The following KMT2E variants were observed in gnomAD, a reference collection of about 807,000 sequenced individuals.
KMT2E encodes the protein lysine methyltransferase 2E (inactive), also known as histone reader KMT2E.
Under a neutral mutation model 184.6 loss-of-function variants are expected in KMT2E, and 30 were observed. The observed-to-expected ratio is 0.16, with a 90% confidence interval of 0.12 to 0.22. KMT2E has a LOEUF of 0.22. KMT2E is among the 10% of genes least tolerant of loss of function. The pLI, the probability that KMT2E is intolerant of heterozygous loss-of-function variation, is 1.00. For synonymous variants in KMT2E, 815 were observed against 776.5 expected, an observed-to-expected ratio of 1.05 and a Z score of -0.82; for missense variants, 2,023 against 2,237.4, an observed-to-expected ratio of 0.90 and a Z score of 1.93.
chr7:105,111,883 C>T lies in KMT2E; in HGVS notation c.4127C>T (p.Pro1376Leu), dbSNP rs140764929. 110 of 1,614,088 alleles carry T rather than the reference C, an allele frequency of 6.8e-5. No individual in the cohort carries two copies. In the African/African-American group the frequency reaches 1.3e-3, roughly 19 times the overall value. The stretch of plus-strand genomic sequence containing the variant: ...GCACACGGGAAAATATTCACAAAAC[C>T]AGATCCCCAATGGGACTCCACAGTT... ...AQAHGKIFTKPDPQWDSTVSA... is the reference protein window; with the variant it reads ...AQAHGKIFTKLDPQWDSTVSA... Residue 1376 changes from proline (P) to leucine (L), a missense_variant, in exon 27 of 27, where the codon CCA becomes CTA. Pro to Leu is a moderately conservative substitution (Grantham distance 98). Transcript: ENST00000311117.
intron 1 of KMT2E, among the ~76,000 whole-genome samples, chr7:105,015,211 A>G (rs2129563619): frequency 6.6e-6 from 1 of 152,286 alleles, no homozygotes; most frequent in South Asian, 2.1e-4. Flanking sequence ...CTTAGGATCT[A>G]CAATATGGCT....
At chr7:105,053,478 TA>T (rs1473913580) in intron 3 of KMT2E, among the ~76,000 whole-genome samples, 1 of 152,206 alleles carries the variant, frequency 6.6e-6, no homozygotes, top group Non-Finnish European at 1.5e-5. Context: ...TTTACGGACT[TA>T]AAATATATAA....
chr7:105,105,588 T>C lies in KMT2E; in HGVS notation c.2346T>C (p.His782=), dbSNP rs770134819. The change falls in exon 18 of 27, where the codon CAT becomes CAC. Residue 782 remains histidine (H), a synonymous_variant. Coordinates refer to ENST00000311117, the MANE Select transcript of KMT2E (RefSeq NM_182931.3). ...NSLPGLTYSP[H]VYSTPKHYIR... is the part of the protein sequence containing the mutation. The stretch of plus-strand genomic sequence containing the variant: ...TACCAGGTCTCACTTACAGCCCCCA[T>C]GTATACTCCACTCCTAAGCATTATA... 3.1e-6 allele frequency: 5 copies of C among 1,613,786 alleles called. No individual in the cohort carries two copies. The highest frequency in any genetic ancestry group is 4.2e-6 in the Non-Finnish European group (5 of 1,179,812).
At chr7:105,082,572 A>G (rs986208724) in intron 13 of KMT2E, among the ~76,000 whole-genome samples, 11 of 152,106 alleles carry the variant, frequency 7.2e-5, no homozygotes, top group Non-Finnish European at 1.5e-4. Context: ...CCTCATCTTC[A>G]TGTTGAGTAG....
At chr7:105,081,538 A>G (rs946153786) in intron 12 of KMT2E, 150 bp from the exon 13 acceptor site, 3 of 572,518 alleles carry the variant, frequency 5.2e-6, no homozygotes, top group Admixed American at 3.7e-5. Flanking sequence ...GATAACCACC[A>G]ATAGATAGTT....
At chr7:105,080,388 T>G (rs986853735) in intron 12 of KMT2E, among the ~76,000 whole-genome samples, 1 of 149,948 alleles carries the variant, frequency 6.7e-6, no homozygotes, top group Non-Finnish European at 1.5e-5. Flanking sequence ...ATGTAGGTGT[T>G]TTTTTTTTTT....
chr7:105,036,496 C>G (rs1795665484), intron 1 of KMT2E, among the ~76,000 whole-genome samples: 1 of 152,096 alleles, frequency 6.6e-6, no homozygotes, highest in Non-Finnish European at 1.5e-5. Context: ...TTCAGGCATA[C>G]TGATGTGTAG....
chr7:105,022,936 G>A (rs1410834491), intron 1 of KMT2E, among the ~76,000 whole-genome samples: 1 of 152,008 alleles, frequency 6.6e-6, no homozygotes, highest in Non-Finnish European at 1.5e-5. Flanking sequence ...AGGAAGAAAA[G>A]TATAGATAAG....
chr7:105,088,385 C>T (rs188374191), intron 13 of KMT2E, among the ~76,000 whole-genome samples: 1 of 152,248 alleles, frequency 6.6e-6, no homozygotes, highest in East Asian at 1.9e-4. Flanking sequence ...GAGGTAGGAC[C>T]ATAAATGTTT....
In KMT2E at chr7:105,077,066, A is replaced by C. The variant is rs2129568107; in HGVS notation, c.872A>C (p.Gln291Pro). Residue 291 changes from glutamine (Q) to proline (P), a missense_variant, in exon 10 of 27, where the codon CAG becomes CCG. Transcript: ENST00000311117. ...CGATATGAAGAAGCAAATAACAACCAGTACAGTGAGGGTGTTCAGAGGGAG... is the reference window on the plus strand; with the variant it reads ...CGATATGAAGAAGCAAATAACAACCCGTACAGTGAGGGTGTTCAGAGGGAG... ...MDRYEEANNN[Q>P]YSEGVQREAQ... 1 of 1,613,964 alleles carries C rather than the reference A, an allele frequency of 6.2e-7. No individual in the cohort carries two copies. The highest frequency in any genetic ancestry group is 8.5e-7 in the Non-Finnish European group (1 of 1,179,918).
Position 105,113,160 on chromosome 7 carries a change from A to T in KMT2E, c.5404A>T (p.Ser1802Cys), listed in dbSNP as rs1299836334. 1 of 1,614,098 alleles carries T rather than the reference A, an allele frequency of 6.2e-7. No homozygotes were observed. Among genetic ancestry groups the T allele is most frequent in the South Asian group, 1.1e-5 (1 of 91,090 alleles). The change falls in exon 27 of 27, where the codon AGT (serine) becomes TGT (cysteine). Residue 1802 changes from serine to cysteine, a missense_variant. Transcript: ENST00000311117. ...GPHLQPQGPN[S>C]IPTPTASGFC... ...TCATCTCCAGCCCCAAGGACCAAAC[A>T]GTATTCCAACACCTACTGCTTCAGG...
At chr7:105,048,121 C>T (rs772472806) in intron 3 of KMT2E, among the ~76,000 whole-genome samples, 23 of 152,140 alleles carry the variant, frequency 1.5e-4, no homozygotes, top group Non-Finnish European at 3.1e-4. Flanking sequence ...ACTGAAGCCT[C>T]CACCTCCCAG....
rs187063724 is a variant in KMT2E, at chr7:105,046,066, C to T, written c.71+5043C>T. On this transcript the variant is annotated intron_variant, in intron 3 of 26. Transcript: ENST00000311117. ...CCAAATCATCCTTACCTAATTCTCT[C>T]GTGGGCTCTACTCACATAGCCCTCT... Among the ~76,000 whole-genome samples the T allele has an allele frequency of 1.1e-4, 17 of 152,222 alleles. No homozygotes were observed. In the East Asian group the frequency reaches 2.9e-3, roughly 26 times the overall value.
chr7:105,027,074 CTTTTTTTT>C (rs34930855), intron 1 of KMT2E, among the ~76,000 whole-genome samples: 12 of 81,936 alleles, frequency 1.5e-4, no homozygotes, highest in East Asian at 6.2e-4. Flanking sequence ...GCCCCGCCCT[CTTTTTTTT>C]TTTTTTTTTT....
intron 3 of KMT2E, among the ~76,000 whole-genome samples, chr7:105,054,137 C>A (rs1236078376): frequency 6.6e-6 from 1 of 151,774 alleles, no homozygotes; most frequent in Non-Finnish European, 1.5e-5. Context: ...CATCACTGCA[C>A]TCCAGCCTGG....
Position 105,040,982 on chromosome 7 carries a change from T to C in KMT2E, c.30T>C (p.Asp10=). The C allele has an allele frequency of 1.3e-6, 2 of 1,599,442 alleles. No homozygotes were observed. The highest frequency in any genetic ancestry group is 2.3e-5 in the East Asian group (1 of 43,782). Residue 10 remains aspartate, a synonymous_variant, in exon 3 of 27, where the codon GAT becomes GAC. Coordinates refer to ENST00000311117, the MANE Select transcript of KMT2E (RefSeq NM_182931.3). ...GCATAGTGATCCCATTGGGGGTTGATACAGCAGAGACGTCATACTTGGAAA... is the reference window on the plus strand; with the variant it reads ...GCATAGTGATCCCATTGGGGGTTGACACAGCAGAGACGTCATACTTGGAAA... MSIVIPLGV[D]TAETSYLEMA... is the part of the protein sequence containing the mutation.
chr7:105,107,145 T>G (rs1798937438), intron 20 of KMT2E, 21 bp from the exon 21 acceptor site: 1 of 1,295,850 alleles, frequency 7.7e-7, no homozygotes, highest in Non-Finnish European at 1.1e-6. Flanking sequence ...TTTTCAATTC[T>G]AATTCTTTCT....
Position 105,113,446 on chromosome 7 carries a change from C to G in KMT2E, c.*113C>G. ...TACATGAACCTTTGTATAAAAAACA[C>G]CAGTGCTCTTTCGTTGTATTTTTCT... On this transcript the variant is annotated 3_prime_UTR_variant, in exon 27 of 27. Transcript: ENST00000311117. 2 of 1,146,464 alleles carry G rather than the reference C, an allele frequency of 1.7e-6. No individual in the cohort carries two copies. The highest frequency in any genetic ancestry group is 2.4e-6 in the Non-Finnish European group (2 of 842,658). The allele number at this position is 1,146,464 out of a possible 1,614,324, so 71.0% of individuals were successfully genotyped here. A position where few individuals can be genotyped will look rare whatever the true frequency, so the allele number is the denominator to read the frequency against.
chr7:105,102,023 A>G lies in KMT2E; in HGVS notation c.2025A>G (p.Ser675=), dbSNP rs753304730. The stretch of plus-strand genomic sequence containing the variant: ...GACACAGAACTGTCAGCATGTGTTC[A>G]GATATCCAGCCATCTTCTCCTGATA... ...RRRHRTVSMC[S]DIQPSSPDIE... The change falls in exon 17 of 27, where the codon TCA becomes TCG. Residue 675 remains serine (S), a synonymous_variant. Transcript: ENST00000311117. 2 of 1,614,002 alleles carry G rather than the reference A, an allele frequency of 1.2e-6. No individual in the cohort carries two copies. Among genetic ancestry groups the G allele is most frequent in the South Asian group, 1.1e-5 (1 of 91,078 alleles).
Sources: gnomAD v4.1 joint callset for allele counts (sites outside exome capture counted in the v4.1 genomes callset) on GRCh38, gnomAD v4.1.1 for gene constraint, MANE v1.5 for transcripts, NCBI Gene and HGNC (gene_info 2026-07-23, HGNC 2026-07-21) for gene names.